ANAPC4: variants seen among roughly 807,000 people sequenced by gnomAD.
ANAPC4 encodes the protein anaphase promoting complex subunit 4.
Under a neutral mutation model 119.8 loss-of-function variants are expected in ANAPC4, and 63 were observed. The ratio of observed to expected loss-of-function variants is 0.53; its 90% CI spans 0.43 to 0.65. The LOEUF (loss-of-function observed/expected upper bound fraction) is 0.65. ANAPC4 is among the 30% of genes least tolerant of loss of function. The pLI, the probability that ANAPC4 is intolerant of heterozygous loss-of-function variation, is 0.00. For synonymous variants in ANAPC4, 283 were observed against 318.6 expected (o/e 0.89, Z 1.19); for missense variants, 716 against 945.1 (o/e 0.76, Z 3.18).
chr4:25,403,968 T>C (rs535024962), intron 17 of ANAPC4, among the ~76,000 whole-genome samples: 1 of 152,370 alleles, frequency 6.6e-6, no homozygotes, highest in East Asian at 1.9e-4. Flanking sequence ...TATTGCTATT[T>C]TTGTGAACTC....
intron 17 of ANAPC4, 40 bp downstream of exon 17, chr4:25,403,066 A>T (rs1217135956): frequency 1.4e-6 from 2 of 1,455,608 alleles, no homozygotes; most frequent in Admixed American, 1.9e-5. Context: ...TTAACACTTT[A>T]AAAAAATTAT....
intron 2 of ANAPC4, among the ~76,000 whole-genome samples, chr4:25,377,988 C>G (rs1721502123): frequency 6.6e-6 from 1 of 152,354 alleles, no homozygotes; most frequent in African/African-American, 2.4e-5. Context: ...TATTGTCAAA[C>G]TTCAGCTGCA....
chr4:25,389,738 A>G (rs1011592003), intron 7 of ANAPC4, among the ~76,000 whole-genome samples: 4 of 152,262 alleles, frequency 2.6e-5, no homozygotes, highest in African/African-American at 9.6e-5. Flanking sequence ...TATAAGTACT[A>G]GAGTTTCTAA....
chr4:25,388,811 A>G, intron 6 of ANAPC4, 27 bp from the exon 7 acceptor site: 1 of 1,603,260 alleles, frequency 6.2e-7, no homozygotes, highest in Non-Finnish European at 8.5e-7. Flanking sequence ...GAATTGAAAG[A>G]TGACCCAATT....
rs563182326 is a variant in ANAPC4, at chr4:25,406,109, C to T, written c.1317+490C>T. The stretch of plus-strand genomic sequence containing the variant: ...ATTTCCACTTGATTCTTGCAGCTCA[C>T]TCTTCTTCACCCCTGCTGAAACTGT... On this transcript the variant is annotated intron_variant, in intron 18 of 28. Transcript: ENST00000315368. Among the ~76,000 whole-genome samples, 502 of 152,290 alleles carry T rather than the reference C, an allele frequency of 3.3e-3. 2 individuals carry two copies. Among genetic ancestry groups the T allele is most frequent in the African/African-American group, 0.011 (464 of 41,564 alleles).
chr4:25,418,034 A>G (rs766123022), intron 28 of ANAPC4, 121 bp from the exon 29 acceptor site: 1 of 1,012,308 alleles, frequency 9.9e-7, no homozygotes, highest in Non-Finnish European at 1.4e-6. Flanking sequence ...ATTTTGTTGT[A>G]AATTGATGGG....
chr4:25,406,057 C>T (rs1413631157), intron 18 of ANAPC4, among the ~76,000 whole-genome samples: 2 of 152,136 alleles, frequency 1.3e-5, no homozygotes, highest in Admixed American at 6.5e-5. Context: ...AATCTTCTTC[C>T]AGGGAAGTCT....
rs571987641 is a variant in ANAPC4, at chr4:25,377,841, T to G, written c.129+285T>G. On this transcript the variant is annotated intron_variant, in intron 2 of 28. Transcript: ENST00000315368. ...TCACGCAATCCTGCTTCCCCAAGTC[T>G]TCTTCACTCATTGGTTTATTAGTTA... 1.5e-4 allele frequency among the ~76,000 whole-genome samples: 23 copies of G among 152,356 alleles called. 1 individual carries two copies. The highest frequency in any genetic ancestry group is 1.4e-3 in the Admixed American group (22 of 15,314).
chr4:25,394,562 T>C, intron 12 of ANAPC4, 109 bp from the exon 13 acceptor site: 1 of 1,247,082 alleles, frequency 8.0e-7, no homozygotes, highest in Non-Finnish European at 1.1e-6. Context: ...TTTGTGGGGC[T>C]ATTTCTTTAT....
intron 21 of ANAPC4, 103 bp from the exon 22 acceptor site, chr4:25,413,542 G>A (rs1427153694): frequency 1.3e-6 from 1 of 774,756 alleles, no homozygotes; most frequent in Non-Finnish European, 2.0e-6. Flanking sequence ...ATTCTACCTC[G>A]AGATAAACTG....
chr4:25,378,546 T>C (rs948252291), intron 2 of ANAPC4, among the ~76,000 whole-genome samples: 8 of 152,150 alleles, frequency 5.3e-5, no homozygotes, highest in African/African-American at 1.9e-4. Context: ...GGAGGGAAGG[T>C]AGACGGGAGG....
intron 4 of ANAPC4, among the ~76,000 whole-genome samples, chr4:25,387,161 T>G (rs1181392659): frequency 1.3e-5 from 2 of 152,190 alleles, no homozygotes; most frequent in Non-Finnish European, 1.5e-5. Flanking sequence ...TTCATAAAAA[T>G]AATTCTGCAT....
intron 7 of ANAPC4, among the ~76,000 whole-genome samples, chr4:25,389,258 A>G (rs778719045): frequency 6.7e-5 from 10 of 150,212 alleles, no homozygotes; most frequent in Middle Eastern, 3.2e-3. Flanking sequence ...TTCCTGGTTC[A>G]AGTGATTCTT....
Position 25,388,753 on chromosome 4 carries a change from G to C in ANAPC4, c.470+10G>C, listed in dbSNP as rs576432227. ...CCTCAAAAATATTTAGGTAAGATAC[G>C]CCTTTTCTTGTTTTCAAGTAAGATA... is the stretch of plus-strand genomic sequence containing the variant. On this transcript the variant is annotated intron_variant, in intron 6 of 28. Coordinates refer to ENST00000315368, the MANE Select transcript of ANAPC4 (RefSeq NM_013367.3). 1.2e-6 allele frequency: 2 copies of C among 1,608,168 alleles called. No individual in the cohort carries two copies. Among genetic ancestry groups the C allele is most frequent in the Non-Finnish European group, 1.7e-6 (2 of 1,176,898 alleles).
chr4:25,401,903 G>A (rs751335226), intron 16 of ANAPC4, among the ~76,000 whole-genome samples: 5 of 152,096 alleles, frequency 3.3e-5, no homozygotes, highest in Admixed American at 6.6e-5. Flanking sequence ...TTGGTTCACC[G>A]TATTTGCAGA....
At chr4:25,386,164 C>T (rs1156838562) in intron 4 of ANAPC4, among the ~76,000 whole-genome samples, 4 of 152,076 alleles carry the variant, frequency 2.6e-5, no homozygotes, top group African/African-American at 4.8e-5. Context: ...CCGCCCGCTT[C>T]GGCCTCCCAA....
chr4:25,409,585 C>A, intron 20 of ANAPC4, 113 bp from the exon 21 acceptor site: 3 of 685,034 alleles, frequency 4.4e-6, no homozygotes, highest in Middle Eastern at 2.7e-4. Flanking sequence ...CGATTTTAGG[C>A]CCTAAGTCTT....
intron 2 of ANAPC4, among the ~76,000 whole-genome samples, chr4:25,379,355 C>G (rs565371371): frequency 6.6e-6 from 1 of 152,190 alleles, no homozygotes; most frequent in Admixed American, 6.5e-5. Context: ...GGGGAATGGC[C>G]TAGGGGTCTG....
chr4:25,392,528 T>A, intron 10 of ANAPC4, 107 bp downstream of exon 10: 2 of 792,786 alleles, frequency 2.5e-6, no homozygotes, highest in South Asian at 3.4e-5. Context: ...GAAGTAGAGG[T>A]ATCTAGTCTG....
Sources: gnomAD v4.1 joint callset for allele counts (sites outside exome capture counted in the v4.1 genomes callset) on GRCh38, gnomAD v4.1.1 for gene constraint, MANE v1.5 for transcripts, NCBI Gene and HGNC (gene_info 2026-07-23, HGNC 2026-07-21) for gene names.